The following TVP23A variants were observed in gnomAD, a reference collection of about 807,000 sequenced individuals.
The protein encoded by TVP23A is Golgi apparatus membrane protein TVP23 homolog A.
A neutral mutation model predicts 31.7 loss-of-function variants in TVP23A; 21 were observed. The ratio of observed to expected loss-of-function variants is 0.66; its 90% confidence interval spans 0.47 to 0.95. The LOEUF (loss-of-function observed/expected upper bound fraction) is 0.95, where lower values mean the gene tolerates loss of function less well. Among genes scored for constraint, TVP23A ranks in the 40% least tolerant of loss-of-function variants. The pLI is 0.00. For missense variants in TVP23A, 279 were observed against 255.6 expected, an observed-to-expected ratio of 1.09 and a Z score of -0.62; for synonymous variants, 104 against 96.0, an observed-to-expected ratio of 1.08 and a Z score of -0.49.
intron 7 of TVP23A, 113 bp from the exon 8 acceptor site, chr16:10,769,214 C>G: frequency 1.1e-6 from 1 of 921,780 alleles, no homozygotes; most frequent in East Asian, 2.5e-5. Context: ...AGCAAAAGGA[C>G]CAGATGCTGG....
At chr16:10,775,331 C>T (rs1035451416) in intron 2 of TVP23A, 2 of 1,347,910 alleles carry the variant, frequency 1.5e-6, no homozygotes, top group Non-Finnish European at 1.9e-6. Flanking sequence ...GAATCCAGTA[C>T]TTTCCCGCCA....
At position 10,774,060 on chromosome 16, in the gene TVP23A, G is replaced by A. The variant is rs943998278; in HGVS notation, c.303C>T (p.His101=). Residue 101 remains histidine (H), a synonymous_variant, in exon 4 of 8, where the codon CAC becomes CAT. Transcript: ENST00000299866. ...WNQIDEDGKS[H]WIFEARKVSP... Reference sequence around the variant, plus strand: ...ATACCTTCCTGGCTTCAAAGATCCAGTGGCTCTTCCCATCTTCATCTATCT... The same window carrying A: ...ATACCTTCCTGGCTTCAAAGATCCAATGGCTCTTCCCATCTTCATCTATCT... 6.2e-7 allele frequency: 1 copy of A among 1,611,778 alleles called. No homozygotes were observed. The highest frequency in any genetic ancestry group is 8.5e-7 in the Non-Finnish European group (1 of 1,179,044).
intron 2 of TVP23A, among the ~76,000 whole-genome samples, chr16:10,811,177 A>G (rs9924845): frequency 0.15 from 22,465 of 152,238 alleles, 4,816 homozygotes; most frequent in African/African-American, 0.47. Context: ...ACATAGTAGT[A>G]ATGGATGTAC....
chr16:10,804,568 G>C (rs1567311782), intron 2 of TVP23A, among the ~76,000 whole-genome samples: 1 of 152,216 alleles, frequency 6.6e-6, no homozygotes, highest in African/African-American at 2.4e-5. Flanking sequence ...GGCAACTAGA[G>C]AGACCCTATC....
intron 2 of TVP23A, among the ~76,000 whole-genome samples, chr16:10,775,849 A>T (rs2031979120): frequency 6.7e-6 from 1 of 148,546 alleles, no homozygotes; most frequent in Non-Finnish European, 1.5e-5. Flanking sequence ...CCCGGGTTCA[A>T]GCAATTCTCC....
intron 2 of TVP23A, among the ~76,000 whole-genome samples, chr16:10,814,727 G>A (rs569152385): frequency 1.3e-4 from 20 of 152,262 alleles, no homozygotes; most frequent in Admixed American, 3.3e-4. Flanking sequence ...TGTCCCTCAG[G>A]CGCCCTGGCC....
intron 2 of TVP23A, among the ~76,000 whole-genome samples, chr16:10,783,156 C>T (rs963788337): frequency 3.9e-5 from 6 of 152,132 alleles, no homozygotes; most frequent in African/African-American, 1.4e-4. Context: ...CTAATGACTA[C>T]ATGTGTGTAA....
intron 2 of TVP23A, chr16:10,808,449 G>A: frequency 2.2e-6 from 1 of 451,506 alleles, no homozygotes. Context: ...TGAGACCACA[G>A]GACAATGATC....
At chr16:10,799,097 G>T (rs551615304) in intron 2 of TVP23A, among the ~76,000 whole-genome samples, 5 of 152,194 alleles carry the variant, frequency 3.3e-5, no homozygotes, top group Non-Finnish European at 5.9e-5. Flanking sequence ...ATGGGAGGAC[G>T]CCATCTTGGA....
chr16:10,816,341 T>G (rs942717747), intron 2 of TVP23A, among the ~76,000 whole-genome samples: 30 of 148,338 alleles, frequency 2.0e-4, no homozygotes, highest in Admixed American at 8.0e-4. Context: ...AATTAAGAAT[T>G]TTTTTTTTTT....
At chr16:10,761,138 T>C (rs1215759494), downstream of TVP23A, 7 of 429,044 alleles carry the variant, frequency 1.6e-5, no homozygotes, top group Non-Finnish European at 2.6e-5. Context: ...CATGATCCAA[T>C]CACCTCCCAC....
chr16:10,763,636 TG>T (rs2030363220), downstream of TVP23A: 2 of 152,338 alleles, frequency 1.3e-5, no homozygotes, highest in African/African-American at 4.8e-5. Flanking sequence ...GCTGCATGAA[TG>T]GATGTGATTG....
intron 5 of TVP23A, among the ~76,000 whole-genome samples, chr16:10,772,148 T>C (rs1050691250): frequency 6.6e-6 from 1 of 152,224 alleles, no homozygotes; most frequent in Non-Finnish European, 1.5e-5. Context: ...CAACATTTAC[T>C]GAGCATTTGC....
rs1567325969 is a variant in TVP23A, at chr16:10,818,574, C to A, written c.-81G>T. The A allele has an allele frequency of 3.3e-6, 5 of 1,531,490 alleles. No homozygotes were observed. The Admixed American group carries it at 5.9e-5, about 18-fold the overall frequency. 94.9% of individuals were successfully genotyped at this position (1,531,490 alleles called of 1,614,324 possible). A position where few individuals can be genotyped will look rare whatever the true frequency, so the allele number is the denominator to read the frequency against. ...GCCGCTGAAGGGGTCGGACGCCGGG[C>A]GGGCGGATGTAGGCAGCAGACGGTG... On this transcript the variant is annotated 5_prime_UTR_variant, in exon 1 of 8. Transcript: ENST00000299866. The surrounding 1 kb of genome is among the most constrained non-coding windows in gnomAD (Gnocchi z 4.7).
intron 5 of TVP23A, among the ~76,000 whole-genome samples, chr16:10,772,387 T>G (rs1459769942): frequency 6.6e-6 from 1 of 152,168 alleles, no homozygotes. Flanking sequence ...TGATTTTTTT[T>G]AAGACGGAGC....
chr16:10,764,848 T>TCC (rs58740091), downstream of TVP23A, among the ~76,000 whole-genome samples: 1 of 29,272 alleles, frequency 3.4e-5, no homozygotes. Flanking sequence ...TTGGAGCATC[T>TCC]GTCTGCTGGA....
rs1264442536 is a variant in TVP23A at position 10,777,881 on chromosome 16, G to GC, written c.90-2786_90-2785insG. Reference sequence around the variant, plus strand: ...CAAAAATTAGCTGAGCGTGGTGGTGGGCGCCTGTAGTCCCAGCTACTCGGG... The same window carrying GC: ...CAAAAATTAGCTGAGCGTGGTGGTGGCGCGCCTGTAGTCCCAGCTACTCGGG... On this transcript the variant is annotated intron_variant, in intron 2 of 7. Transcript: ENST00000299866. This position sits in a 1 kb window ranked among gnomAD's most constrained non-coding sequence, Gnocchi z 4.5. Among the ~76,000 whole-genome samples, 1 of 152,036 alleles carries GC rather than the reference G, an allele frequency of 6.6e-6. No individual in the cohort carries two copies. Among genetic ancestry groups the GC allele is most frequent in the Non-Finnish European group, 1.5e-5 (1 of 68,008 alleles).
intron 2 of TVP23A, among the ~76,000 whole-genome samples, chr16:10,817,800 C>T (rs977234397): frequency 1.3e-5 from 2 of 152,222 alleles, no homozygotes; most frequent in Non-Finnish European, 2.9e-5. Context: ...CCCTCCATGG[C>T]TGCACTAAGG....
chr16:10,766,403 A>G (rs1434204725), downstream of TVP23A, among the ~76,000 whole-genome samples: 2 of 151,988 alleles, frequency 1.3e-5, no homozygotes, highest in African/African-American at 2.4e-5. This position sits in a 1 kb window ranked among gnomAD's most constrained non-coding sequence, Gnocchi z 4.8. Context: ...GCCCAGGGGG[A>G]AATGCAGTTA....
Sources: allele counts gnomAD v4.1 joint callset (sites outside exome capture counted in the v4.1 genomes callset), GRCh38; gene constraint gnomAD v4.1.1; non-coding constraint Gnocchi (gnomAD v3.1); transcripts MANE v1.5; gene names NCBI Gene and HGNC (gene_info 2026-07-23, HGNC 2026-07-21).